PAICS: variants seen among roughly 807,000 people sequenced by gnomAD.
The protein encoded by PAICS is phosphoribosylaminoimidazole carboxylase and phosphoribosylaminoimidazolesuccinocarboxamide synthase.
A neutral mutation model predicts 53.7 loss-of-function variants in PAICS; 33 were observed. The observed-to-expected ratio is 0.61, with a 90% CI of 0.47 to 0.82. The LOEUF (loss-of-function observed/expected upper bound fraction) is 0.82, where lower values mean the gene tolerates loss of function less well. Ranked by LOEUF, PAICS falls within the 40% of genes least tolerant of loss-of-function variation. The probability of loss-of-function intolerance (pLI) is 0.00; values close to 1 mark genes in which losing one functional copy is unlikely to be tolerated. For missense variants in PAICS, 394 were observed against 494.1 expected (o/e 0.80, Z 1.92); for synonymous variants, 141 against 167.2 (o/e 0.84, Z 1.21).
Position 56,453,697 on chromosome 4 carries a change from C to G in PAICS, c.1047C>G (p.Ser349Arg). ...MSGNTAYPVI[S>R]CPPLTPDWGV... ...GGAACACTGCATATCCAGTTATCAG[C>G]TGTCCTCCCCTCACACCAGACTGGG... is the stretch of plus-strand genomic sequence containing the variant. Residue 349 changes from serine (S) to arginine (R), a missense_variant, in exon 8 of 9, where the codon AGC (serine) becomes AGG (arginine). Physicochemically the swap from Ser to Arg is moderately radical, Grantham distance 110. This residue lies in a region of PAICS where 95 missense variants were observed against 89.3 expected (regional missense o/e 1.06). Transcript: ENST00000512576. The G allele has an allele frequency of 1.3e-6, 2 of 1,557,712 alleles. No individual in the cohort carries two copies. The highest frequency in any genetic ancestry group is 1.7e-6 in the Non-Finnish European group (2 of 1,149,322).
chr4:56,430,949 G>A (rs1405162943), upstream of PAICS, among the ~76,000 whole-genome samples: 2 of 151,898 alleles, frequency 1.3e-5, no homozygotes. Context: ...GGAGACTTTT[G>A]GGGGCAGGTA....
At position 56,441,858 on chromosome 4, in the gene PAICS, C is replaced by T; in HGVS notation, c.212C>T (p.Ala71Val). The T allele has an allele frequency of 6.3e-7, 1 of 1,586,366 alleles. No individual in the cohort carries two copies. Among genetic ancestry groups the T allele is most frequent in the Non-Finnish European group, 8.6e-7 (1 of 1,164,876 alleles). Reference protein sequence around the residue: ...TSCIFQLLQEAGIKTAFTRKC... With the variant: ...TSCIFQLLQEVGIKTAFTRKC... ...TGTATTTTTCAGTTATTACAGGAAG[C>T]AGGTAAGCAGCTCCCTCAAAGTCTC... is the stretch of plus-strand genomic sequence containing the variant. Residue 71 changes from alanine to valine, a missense_variant and splice_region_variant, in exon 2 of 9, where the codon GCA becomes GTA. This residue lies in a region of PAICS where 168 missense variants were observed against 199.3 expected (regional missense o/e 0.84). Coordinates refer to ENST00000512576, the MANE Select transcript of PAICS (RefSeq NM_001079524.2).
At chr4:56,441,195 C>T (rs954305596) in intron 1 of PAICS, among the ~76,000 whole-genome samples, 8 of 152,116 alleles carry the variant, frequency 5.3e-5, no homozygotes, top group Admixed American at 3.9e-4. Context: ...CAGCAAAAAT[C>T]GCATATTTTT....
chr4:56,454,958 G>C (rs890887663), intron 8 of PAICS, among the ~76,000 whole-genome samples: 1 of 152,096 alleles, frequency 6.6e-6, no homozygotes, highest in Non-Finnish European at 1.5e-5. Flanking sequence ...AGGAGTTCAA[G>C]ACCTGCCTGG....
At chr4:56,445,597 C>CA (rs1578151329) in intron 2 of PAICS, among the ~76,000 whole-genome samples, 1 of 151,906 alleles carries the variant, frequency 6.6e-6, no homozygotes, top group East Asian at 1.9e-4. Flanking sequence ...ACCAAAAAAA[C>CA]AAAAAAACCT....
chr4:56,436,223 C>T, upstream of PAICS: 1 of 1,538,432 alleles, frequency 6.5e-7, no homozygotes. Context: ...CGCCTCCTTC[C>T]CCGCCCAGCG....
chr4:56,448,352 T>C, intron 3 of PAICS, 66 bp from the exon 4 acceptor site: 1 of 1,136,388 alleles, frequency 8.8e-7, no homozygotes, highest in Admixed American at 2.7e-5. Context: ...AAAAGGATGT[T>C]GGTTTTTCTG....
chr4:56,436,640 C>G, intron 1 of PAICS: 1 of 637,090 alleles, frequency 1.6e-6, no homozygotes, highest in Non-Finnish European at 2.9e-6. Flanking sequence ...AAACCTGAGT[C>G]TTGCTTTGCC....
chr4:56,425,440 A>G, the PAICS span: 1 of 922,598 alleles, frequency 1.1e-6, no homozygotes, highest in Non-Finnish European at 1.3e-6. Context: ...ATGTGAAAAA[A>G]GAAAGCTCAG....
Position 56,462,383 on chromosome 4 carries a change from G to C in PAICS, c.*2845G>C, listed in dbSNP as rs567076392. ...CTATAGGCCACACTGAAGTGTGACA[G>C]GAAAAACTCAGTTTGAGCAGAGGCT... On this transcript the variant is annotated 3_prime_UTR_variant, in exon 9 of 9. Coordinates refer to ENST00000512576, the MANE Select transcript of PAICS (RefSeq NM_001079524.2). The C allele has an allele frequency of 3.7e-4, 56 of 152,364 alleles. No homozygotes were observed. The highest frequency in any genetic ancestry group is 1.3e-3 in the African/African-American group (56 of 41,586). The allele number at this position is 152,364 out of a possible 1,614,324, so 9.4% of individuals were successfully genotyped here.
chr4:56,453,408 T>C (rs1719015621), intron 7 of PAICS, among the ~76,000 whole-genome samples, 195 bp from the exon 8 acceptor site: 1 of 152,070 alleles, frequency 6.6e-6, no homozygotes, highest in South Asian at 2.1e-4. Flanking sequence ...TTACTTGACT[T>C]ATAGTAAGTG....
At chr4:56,438,154 T>G (rs1718117536) in intron 1 of PAICS, among the ~76,000 whole-genome samples, 1 of 152,152 alleles carries the variant, frequency 6.6e-6, no homozygotes, top group South Asian at 2.1e-4. Context: ...CTGCTATCCC[T>G]TCTACCTCTT....
At chr4:56,419,904 G>A in the PAICS span, 1 of 984,790 alleles carries the variant, frequency 1.0e-6, no homozygotes, top group Non-Finnish European at 1.2e-6. Flanking sequence ...TCAAGATCTA[G>A]GCATGACTAA....
rs1719593079 is a variant in PAICS at position 56,463,776 on chromosome 4, T to A, written c.*4238T>A. On this transcript the variant is annotated 3_prime_UTR_variant, in exon 9 of 9. Coordinates refer to ENST00000512576, the MANE Select transcript of PAICS (RefSeq NM_001079524.2). ...TATAAAAATACATTGTGGATACTGA[T>A]GAGATGGCTAATTCTGTCAACTTGA... is the stretch of plus-strand genomic sequence containing the variant. 6.6e-6 allele frequency: 1 copy of A among 151,890 alleles called. No homozygotes were observed. The highest frequency in any genetic ancestry group is 2.4e-5 in the African/African-American group (1 of 41,326). The allele number at this position is 151,890 out of a possible 1,614,324, so 9.4% of individuals were successfully genotyped here.
chr4:56,458,851 TTAA>T (rs1350980419), intron 8 of PAICS, among the ~76,000 whole-genome samples: 1 of 152,232 alleles, frequency 6.6e-6, no homozygotes, highest in Admixed American at 6.5e-5. Context: ...TTGGATCTTA[TTAA>T]TATTTATTTA....
the PAICS span, among the ~76,000 whole-genome samples, chr4:56,413,143 TGTTTTTG>T: frequency 4.3e-4 from 65 of 150,520 alleles, no homozygotes; most frequent in African/African-American, 8.0e-4. Flanking sequence ...GTTTTTGTCT[TGTTTTTG>T]GTTTTTGGTT....
At chr4:56,435,313 A>T, upstream of PAICS, 2 of 1,610,614 alleles carry the variant, frequency 1.2e-6, no homozygotes, top group Non-Finnish European at 1.7e-6. Flanking sequence ...CGAGAGATGG[A>T]GACGCACGCC....
chr4:56,436,450 G>GCGGGCGCACACGTGGCC (rs1344569321), intron 1 of PAICS, 122 bp downstream of exon 1: 2 of 857,096 alleles, frequency 2.3e-6, no homozygotes, highest in Non-Finnish European at 3.9e-6. Context: ...AGGCAGCCGC[G>GCGGGCGCACACGTGGCC]CGGGCGCACA....
upstream of PAICS, chr4:56,435,564 G>T: frequency 1.2e-5 from 19 of 1,597,548 alleles, no homozygotes; most frequent in Non-Finnish European, 1.5e-5. Flanking sequence ...GTCGAGCTCA[G>T]AAGCTCGCGC....
Sources: gnomAD v4.1 joint callset for allele counts (sites outside exome capture counted in the v4.1 genomes callset) on GRCh38, gnomAD v4.1.1 for gene constraint, gnomAD v4.1.1 regional missense constraint, MANE v1.5 for transcripts, NCBI Gene and HGNC (gene_info 2026-07-23, HGNC 2026-07-21) for gene names.